PSD3: variants seen among roughly 807,000 people sequenced by gnomAD.
The protein encoded by PSD3 is pleckstrin and Sec7 domain containing 3.
Under a neutral mutation model 105.5 loss-of-function variants are expected in PSD3, and 49 were observed. The observed-to-expected ratio is 0.46, with a 90% CI of 0.37 to 0.59. PSD3 has a LOEUF of 0.59. PSD3 is among the 20% of genes least tolerant of loss of function. The pLI is 0.00. For missense variants in PSD3, 1,561 were observed against 1,263.8 expected (o/e 1.24, Z -3.57); for synonymous variants, 557 against 457.8 (o/e 1.22, Z -2.77).
intron 15 of PSD3, among the ~76,000 whole-genome samples, chr8:18,539,629 C>T (rs1169543057): frequency 2.7e-5 from 4 of 150,028 alleles, no homozygotes; most frequent in Non-Finnish European, 5.9e-5. Flanking sequence ...CTCACTGCAA[C>T]CTCTGCCGAC....
rs1212642595 is a variant in PSD3, at chr8:18,804,699, C to T, written c.1829+5G>A. 7 of 1,613,510 alleles carry T rather than the reference C, an allele frequency of 4.3e-6. No individual in the cohort carries two copies. Among genetic ancestry groups the T allele is most frequent in the East Asian group, 2.2e-5 (1 of 44,888 alleles). ...TTCAGACTCCAGCAATGGGTCAGAA[C>T]GTACTTCTTGCCAAGGTGTTTTGCA... On this transcript the variant is annotated splice_donor_5th_base_variant and intron_variant, in intron 5 of 15. Coordinates refer to ENST00000327040, the MANE Select transcript of PSD3 (RefSeq NM_015310.4).
intron 11 of PSD3, among the ~76,000 whole-genome samples, chr8:18,616,411 T>C (rs1157455152): frequency 6.6e-6 from 1 of 152,164 alleles, no homozygotes; most frequent in Non-Finnish European, 1.5e-5. Flanking sequence ...GTGGAGAGAA[T>C]CTGTATTGAT....
chr8:18,589,641 A>G (rs1803450234), intron 12 of PSD3, among the ~76,000 whole-genome samples: 1 of 152,238 alleles, frequency 6.6e-6, no homozygotes, highest in Non-Finnish European at 1.5e-5. Context: ...AATGTTAATG[A>G]AAGATATGGG....
At chr8:18,712,403 T>TA (rs1402934481) in intron 9 of PSD3, among the ~76,000 whole-genome samples, 1 of 149,932 alleles carries the variant, frequency 6.7e-6, no homozygotes, top group Admixed American at 6.7e-5. Context: ...GAAGAAAAAA[T>TA]AATTGAATAC....
intron 4 of PSD3, among the ~76,000 whole-genome samples, chr8:18,846,292 C>A (rs1341902847): frequency 6.6e-6 from 1 of 152,218 alleles, no homozygotes. Flanking sequence ...CACTCCAAGG[C>A]TCAAGGGCAC....
intron 15 of PSD3, among the ~76,000 whole-genome samples, chr8:18,540,596 T>G (rs1446786424): frequency 6.6e-6 from 1 of 152,194 alleles, no homozygotes; most frequent in East Asian, 1.9e-4. Flanking sequence ...AACTGCACCA[T>G]TTCTCAGTAC....
intron 1 of PSD3, among the ~76,000 whole-genome samples, chr8:19,012,479 C>T (rs1040923870): frequency 6.6e-6 from 1 of 152,032 alleles, no homozygotes; most frequent in African/African-American, 2.4e-5. Flanking sequence ...CATCCTTTCC[C>T]TCACATCTCA....
chr8:18,914,217 C>T (rs1820432780), intron 2 of PSD3, among the ~76,000 whole-genome samples: 1 of 147,246 alleles, frequency 6.8e-6, no homozygotes, highest in South Asian at 2.2e-4. Context: ...AAAAAAACAC[C>T]TTTCAACAAA....
intron 9 of PSD3, among the ~76,000 whole-genome samples, chr8:18,752,644 TA>T (rs1805697476): frequency 3.9e-5 from 4 of 101,286 alleles, no homozygotes; most frequent in African/African-American, 1.8e-4. Flanking sequence ...ATATATATAA[TA>T]TATATAATAT....
intron 8 of PSD3, among the ~76,000 whole-genome samples, chr8:18,769,791 T>C (rs933647283): frequency 6.6e-6 from 1 of 152,256 alleles, no homozygotes; most frequent in Non-Finnish European, 1.5e-5. Flanking sequence ...AGTTCATCCA[T>C]GTTGTTGCAT....
intron 9 of PSD3, among the ~76,000 whole-genome samples, chr8:18,725,557 C>G (rs1803286113): frequency 6.6e-6 from 1 of 152,178 alleles, no homozygotes; most frequent in Non-Finnish European, 1.5e-5. Context: ...GTTCCACTTT[C>G]CCCTCTTTTG....
At chr8:18,624,904 T>C (rs1339000662) in intron 11 of PSD3, among the ~76,000 whole-genome samples, 3 of 152,058 alleles carry the variant, frequency 2.0e-5, no homozygotes, top group Non-Finnish European at 4.4e-5. Flanking sequence ...TATATACGTA[T>C]GCCTGTTTAT....
intron 2 of PSD3, among the ~76,000 whole-genome samples, chr8:18,904,184 A>G (rs1819689240): frequency 6.6e-6 from 1 of 152,104 alleles, no homozygotes; most frequent in Admixed American, 6.6e-5. Flanking sequence ...GGAACAAGAG[A>G]GAGAGAAGGA....
At chr8:18,959,902 TC>T (rs1823807045) in intron 1 of PSD3, among the ~76,000 whole-genome samples, 1 of 152,214 alleles carries the variant, frequency 6.6e-6, no homozygotes, top group Non-Finnish European at 1.5e-5. Flanking sequence ...CCACTCTTTT[TC>T]CCATTGTGGT....
chr8:18,829,657 C>G (rs1813520034), intron 4 of PSD3, among the ~76,000 whole-genome samples: 1 of 152,112 alleles, frequency 6.6e-6, no homozygotes, highest in South Asian at 2.1e-4. Context: ...CTGCAAGGCT[C>G]AAATCAGATG....
intron 9 of PSD3, among the ~76,000 whole-genome samples, chr8:18,740,870 C>T (rs917580484): frequency 5.9e-5 from 9 of 152,166 alleles, no homozygotes; most frequent in Admixed American, 2.6e-4. Flanking sequence ...CAGCTGCTTC[C>T]GGGTTCAGCA....
At position 18,747,384 on chromosome 8, in the gene PSD3, C is replaced by A. The variant is rs112917659; in HGVS notation, c.2172+18065G>T. Reference sequence around the variant, plus strand: ...GTTTCATTTTTAAAAAATCAATTTTCCCTACAGGAAAGAAACCAGAAGTGG... The same window carrying A: ...GTTTCATTTTTAAAAAATCAATTTTACCTACAGGAAAGAAACCAGAAGTGG... On this transcript the variant is annotated intron_variant, in intron 9 of 15. Transcript: ENST00000327040. Among the ~76,000 whole-genome samples the A allele has an allele frequency of 6.6e-5, 10 of 152,248 alleles. 1 individual carries two copies. Among genetic ancestry groups the A allele is most frequent in the African/African-American group, 2.4e-4 (10 of 41,530 alleles).
intron 2 of PSD3, among the ~76,000 whole-genome samples, chr8:18,919,666 C>T (rs182618084): frequency 1.3e-5 from 2 of 152,100 alleles, no homozygotes; most frequent in Admixed American, 1.3e-4. Context: ...CTGCGCAATA[C>T]AAAGAGTGTA....
chr8:18,647,796 T>C (rs1808159881), intron 10 of PSD3, among the ~76,000 whole-genome samples: 2 of 152,266 alleles, frequency 1.3e-5, no homozygotes, highest in South Asian at 4.1e-4. Context: ...CATTACCCCC[T>C]TTAGTACTGT....
Sources: allele counts gnomAD v4.1 joint callset (sites outside exome capture counted in the v4.1 genomes callset), GRCh38; gene constraint gnomAD v4.1.1; transcripts MANE v1.5; gene names NCBI Gene and HGNC (gene_info 2026-07-23, HGNC 2026-07-21).